LPP: variants seen among roughly 807,000 people sequenced by gnomAD.
LPP encodes lipoma-preferred partner.
In LPP, 38 loss-of-function variants were observed where a neutral mutation model predicts 60.4. The ratio of observed to expected loss-of-function variants is 0.63; its 90% CI spans 0.49 to 0.83. The LOEUF is 0.83. LPP is among the 40% of genes least tolerant of loss of function. The pLI is 0.00. For missense variants in LPP, 902 were observed against 783.6 expected (o/e 1.15, Z -1.80); for synonymous variants, 328 against 290.8 (o/e 1.13, Z -1.30).
At chr3:188,462,544 TTATATATATATATATATATA>T (rs71167102) in intron 4 of LPP, among the ~76,000 whole-genome samples, 58 of 34,210 alleles carry the variant, frequency 1.7e-3, no homozygotes, top group African/African-American at 3.0e-3. Context: ...TATATGAGCT[TTATATATATATATATATATA>T]TATATATATA....
intron 6 of LPP, among the ~76,000 whole-genome samples, chr3:188,577,844 C>CCTTT (rs10663574): frequency 0.78 from 94,662 of 121,090 alleles, 34,220 homozygotes; most frequent in South Asian, 0.85. Context: ...TCTTTCTTGC[C>CCTTT]CTTTCTCTCT....
At chr3:188,363,692 G>A (rs1220750848) in intron 3 of LPP, among the ~76,000 whole-genome samples, 1 of 152,054 alleles carries the variant, frequency 6.6e-6, no homozygotes, top group East Asian at 1.9e-4. Context: ...AGATCACGAG[G>A]TCAGGAGTTC....
chr3:188,823,701 G>A (rs1374548474), intron 9 of LPP, among the ~76,000 whole-genome samples: 2 of 152,180 alleles, frequency 1.3e-5, no homozygotes, highest in African/African-American at 4.8e-5. Flanking sequence ...TATGTAGAAT[G>A]ACAGTGGTCA....
chr3:188,553,311 C>T (rs916128582), intron 6 of LPP, among the ~76,000 whole-genome samples: 1 of 152,068 alleles, frequency 6.6e-6, no homozygotes, highest in African/African-American at 2.4e-5. Flanking sequence ...GAATGCCATT[C>T]ATGATTTATA....
At chr3:188,626,143 A>G (rs1217978447) in intron 7 of LPP, among the ~76,000 whole-genome samples, 1 of 152,200 alleles carries the variant, frequency 6.6e-6, no homozygotes, top group Non-Finnish European at 1.5e-5. Flanking sequence ...TAGGACTGCT[A>G]TAACAAAATA....
intron 5 of LPP, among the ~76,000 whole-genome samples, chr3:188,512,707 T>C (rs2150047358): frequency 6.6e-6 from 1 of 152,270 alleles, no homozygotes; most frequent in Admixed American, 6.5e-5. Context: ...TTTCCAATTT[T>C]GGTAACATTT....
chr3:188,387,531 A>G (rs1778618035), intron 3 of LPP, among the ~76,000 whole-genome samples: 1 of 150,474 alleles, frequency 6.6e-6, no homozygotes, highest in African/African-American at 2.4e-5. Context: ...CTTATATATG[A>G]TGTCTGAGGG....
At chr3:188,700,530 T>C (rs187385729) in intron 7 of LPP, among the ~76,000 whole-genome samples, 1 of 152,294 alleles carries the variant, frequency 6.6e-6, no homozygotes, top group East Asian at 1.9e-4. Context: ...CTTTTTCCTT[T>C]AGAAAGGATG....
At chr3:188,286,213 T>C (rs1743864472) in intron 2 of LPP, among the ~76,000 whole-genome samples, 1 of 152,166 alleles carries the variant, frequency 6.6e-6, no homozygotes, top group Non-Finnish European at 1.5e-5. Context: ...TTCTGGAAAC[T>C]CTCTGAGGTC....
chr3:188,785,636 T>C (rs1560201954), intron 9 of LPP, among the ~76,000 whole-genome samples: 2 of 150,456 alleles, frequency 1.3e-5, no homozygotes, highest in South Asian at 4.2e-4. Context: ...GTTGGTTCCA[T>C]GATTTTGCAA....
intron 3 of LPP, among the ~76,000 whole-genome samples, chr3:188,356,029 T>A (rs1197656501): frequency 4.6e-5 from 7 of 152,194 alleles, no homozygotes; most frequent in African/African-American, 1.7e-4. Flanking sequence ...GCTTAAAAAA[T>A]TTCTGTAATT....
chr3:188,871,743 C>T (rs1257171378), intron 10 of LPP, among the ~76,000 whole-genome samples: 1 of 151,968 alleles, frequency 6.6e-6, no homozygotes, highest in Admixed American at 6.6e-5. Context: ...TCACAAATAC[C>T]ATCTCCAATT....
rs199974535 is a variant in LPP at position 188,866,416 on chromosome 3, C to A, written c.1589+38C>A. 983 of 1,391,074 alleles carry A rather than the reference C, an allele frequency of 7.1e-4. 17 individuals carry two copies. In the South Asian group the frequency reaches 0.016, roughly 23 times the overall value. The allele number at this position is 1,391,074 out of a possible 1,614,324, so 86.2% of individuals were successfully genotyped here. A position where few individuals can be genotyped will look rare whatever the true frequency, so the allele number is the denominator to read the frequency against. On this transcript the variant is annotated intron_variant, in intron 10 of 11. Transcript: ENST00000617246. ...CTCTCTCGTCACCACCCTGCCAGTC[C>A]TTTTGGAGTCTGTTCTTACTGCTTG...
At chr3:188,525,700 C>A (rs541223494) in intron 6 of LPP, among the ~76,000 whole-genome samples, 2 of 152,282 alleles carry the variant, frequency 1.3e-5, no homozygotes, top group South Asian at 4.1e-4. Flanking sequence ...GGGGTTGCTA[C>A]ATTGATGAAT....
chr3:188,625,383 T>C (rs981117542), intron 7 of LPP, among the ~76,000 whole-genome samples: 8 of 152,194 alleles, frequency 5.3e-5, no homozygotes, highest in Admixed American at 2.0e-4. Context: ...TACATTGATA[T>C]ATACTTTATC....
chr3:188,700,732 A>G (rs1405702518), intron 7 of LPP, among the ~76,000 whole-genome samples: 1 of 152,202 alleles, frequency 6.6e-6, no homozygotes, highest in Non-Finnish European at 1.5e-5. Context: ...GATGCTGACA[A>G]CTGGCTTAAG....
At chr3:188,172,982 C>A (rs1722001632) in intron 1 of LPP, among the ~76,000 whole-genome samples, 1 of 152,186 alleles carries the variant, frequency 6.6e-6, no homozygotes, top group Non-Finnish European at 1.5e-5. Context: ...ATCCTCCCAC[C>A]TCAGCCTCTG....
At chr3:188,816,265 G>A (rs890947592) in intron 9 of LPP, among the ~76,000 whole-genome samples, 8 of 138,928 alleles carry the variant, frequency 5.8e-5, no homozygotes, top group Admixed American at 8.2e-5. Flanking sequence ...GCGGTGGCAC[G>A]ATCTTGGCTC....
At chr3:188,675,240 G>T (rs1194442651) in intron 7 of LPP, among the ~76,000 whole-genome samples, 4 of 152,212 alleles carry the variant, frequency 2.6e-5, no homozygotes, top group Non-Finnish European at 1.5e-5. Flanking sequence ...TGTCAAGCCA[G>T]TGTGGGCTAG....
Sources: allele counts gnomAD v4.1 joint callset (sites outside exome capture counted in the v4.1 genomes callset), GRCh38; gene constraint gnomAD v4.1.1; transcripts MANE v1.5; gene names NCBI Gene and HGNC (gene_info 2026-07-23, HGNC 2026-07-21).